The following IL12RB2 variants were observed in gnomAD, a reference collection of about 807,000 sequenced individuals.
IL12RB2 encodes the protein interleukin-12 receptor subunit beta-2.
Under a neutral mutation model 89.4 loss-of-function variants are expected in IL12RB2, and 82 were observed. The ratio of observed to expected loss-of-function variants is 0.92; its 90% CI spans 0.77 to 1.10. The LOEUF (loss-of-function observed/expected upper bound fraction) is 1.10, where lower values mean the gene tolerates loss of function less well. IL12RB2 is among the 50% of genes least tolerant of loss of function. The pLI is 0.00. For missense variants in IL12RB2, 963 were observed against 1,031.9 expected (o/e 0.93, Z 0.92); for synonymous variants, 368 against 370.1 (o/e 0.99, Z 0.07).
intron 15 of IL12RB2, among the ~76,000 whole-genome samples, chr1:67,387,196 CTGGG>C (rs1665293459): frequency 6.6e-6 from 1 of 151,422 alleles, no homozygotes; most frequent in Non-Finnish European, 1.5e-5. Context: ...TCCCAAAGTG[CTGGG>C]ATTACAGGTA....
At chr1:67,391,388 T>C (rs866169716) in intron 16 of IL12RB2, among the ~76,000 whole-genome samples, 8 of 144,434 alleles carry the variant, frequency 5.5e-5, no homozygotes, top group East Asian at 2.1e-4. Context: ...TGTGTGTCTA[T>C]ACACACACAC....
At position 67,368,195 on chromosome 1, in the gene IL12RB2, T is replaced by C. The variant is rs532464973; in HGVS notation, c.1459+170T>C. Among the ~76,000 whole-genome samples, 3 of 152,314 alleles carry C rather than the reference T, an allele frequency of 2.0e-5. No homozygotes were observed. The South Asian group carries it at 6.2e-4, about 32-fold the overall frequency. ...ACTTTAGACTACTCCACTGCAGACA[T>C]AAATGACCAACTGGTTGACTAAAAG... is the stretch of plus-strand genomic sequence containing the variant. On this transcript the variant is annotated intron_variant, in intron 11 of 16. Transcript: ENST00000674203.
upstream of IL12RB2, chr1:67,307,757 C>T (rs1654450738): frequency 6.6e-6 from 1 of 152,234 alleles, no homozygotes; most frequent in Admixed American, 6.5e-5. Context: ...ACCCCCGCCC[C>T]GGCCCGATCC....
intron 1 of IL12RB2, among the ~76,000 whole-genome samples, chr1:67,311,524 T>G (rs1655059762): frequency 6.6e-6 from 1 of 152,264 alleles, no homozygotes; most frequent in Non-Finnish European, 1.5e-5. Flanking sequence ...TTACTTTATG[T>G]ATTTGACCAA....
Position 67,372,723 on chromosome 1 carries a change from C to T in IL12RB2, c.1657C>T (p.Leu553Phe). 6.2e-7 allele frequency: 1 copy of T among 1,604,846 alleles called. No homozygotes were observed. Residue 553 changes from leucine (L) to phenylalanine (F), a missense_variant, in exon 13 of 17, where the codon CTC becomes TTC. By Grantham distance (22) the Leu-to-Phe change is conservative (BLOSUM62 0). Transcript: ENST00000674203. ...SIPVQEQMGC[L>F]LHYRIYWKER... ...TCCAGTCCAGGAGCAAATGGGCTGC[C>T]TCCTCCATTATAGGATATACTGGAA...
At chr1:67,391,038 G>A (rs987485801) in intron 16 of IL12RB2, among the ~76,000 whole-genome samples, 1 of 152,086 alleles carries the variant, frequency 6.6e-6, no homozygotes, top group African/African-American at 2.4e-5. Context: ...AGATTCTTTA[G>A]GCATTTAAGT....
chr1:67,356,136 T>A (rs912645674), intron 10 of IL12RB2, among the ~76,000 whole-genome samples: 1 of 152,152 alleles, frequency 6.6e-6, no homozygotes, highest in South Asian at 2.1e-4. Context: ...CAAGGAACCA[T>A]TGCTGGGAAT....
intron 6 of IL12RB2, 151 bp downstream of exon 6, chr1:67,328,535 A>AAAAGGG: frequency 2.2e-6 from 3 of 1,384,986 alleles, no homozygotes; most frequent in Non-Finnish European, 2.9e-6. Context: ...TGATGCAAGT[A>AAAAGGG]AAAGGGTGCA....
At position 67,329,730 on chromosome 1, in the gene IL12RB2, G is replaced by T; in HGVS notation, c.807+1G>T. On this transcript the variant is annotated splice_donor_variant, in intron 7 of 16. Transcript: ENST00000674203. LOFTEE classifies it high-confidence loss of function. ...CAGTAACAGCAGGCTCTGGAATATGGTAATTATCTTTAGAGTGAAGGAAAA... is the reference window on the plus strand; with the variant it reads ...CAGTAACAGCAGGCTCTGGAATATGTTAATTATCTTTAGAGTGAAGGAAAA... 6.2e-7 allele frequency: 1 copy of T among 1,602,184 alleles called. No homozygotes were observed. Among genetic ancestry groups the T allele is most frequent in the East Asian group, 2.2e-5 (1 of 44,814 alleles).
rs201985270 is a variant in IL12RB2 at position 67,361,844 on chromosome 1, C to CA, written c.1259-5973dup. On this transcript the variant is annotated intron_variant, in intron 10 of 16. Transcript: ENST00000674203. The stretch of plus-strand genomic sequence containing the variant: ...CAGGGTAAATGGCACCCTCCACCCA[C>CA]AAAAAAAACTGTACCTACATACATC... Among the ~76,000 whole-genome samples the CA allele has an allele frequency of 1.2e-3, 176 of 151,722 alleles. 1 individual carries two copies. Among genetic ancestry groups the CA allele is most frequent in the African/African-American group, 4.0e-3 (166 of 41,426 alleles).
chr1:67,369,763 G>C (rs1252917446), intron 11 of IL12RB2, among the ~76,000 whole-genome samples: 1 of 152,138 alleles, frequency 6.6e-6, no homozygotes, highest in Non-Finnish European at 1.5e-5. Flanking sequence ...TACTAGGCTG[G>C]GCGCGGTGGC....
chr1:67,380,982 T>C (rs928790853), intron 14 of IL12RB2, among the ~76,000 whole-genome samples: 3 of 152,234 alleles, frequency 2.0e-5, no homozygotes, highest in Admixed American at 2.0e-4. Flanking sequence ...GTTTAGGACT[T>C]CAACATACAA....
chr1:67,392,622 T>TA (rs1491456945), intron 16 of IL12RB2, among the ~76,000 whole-genome samples: 1 of 132,462 alleles, frequency 7.5e-6, no homozygotes, highest in African/African-American at 2.8e-5. Flanking sequence ...CTTTTAGATA[T>TA]CTTTTTTTTT....
intron 9 of IL12RB2, among the ~76,000 whole-genome samples, chr1:67,344,775 C>T (rs939094450): frequency 6.6e-6 from 1 of 152,234 alleles, no homozygotes; most frequent in African/African-American, 2.4e-5. Context: ...GACAGTAGCA[C>T]ATCTTGGCTC....
chr1:67,382,708 A>ATTTTT (rs10693344), intron 14 of IL12RB2, among the ~76,000 whole-genome samples: 111 of 134,864 alleles, frequency 8.2e-4, no homozygotes, highest in African/African-American at 1.0e-3. Context: ...CCAACTCTAC[A>ATTTTT]TTTTTTTTTT....
At position 67,390,061 on chromosome 1, in the gene IL12RB2, AGTG is replaced by A. The variant is rs1305658487; in HGVS notation, c.1983_1985del (p.Trp661del). 7.3e-7 allele frequency: 1 copy of A among 1,373,782 alleles called. No individual in the cohort carries two copies. The highest frequency in any genetic ancestry group is 1.0e-6 in the Non-Finnish European group (1 of 960,336). 85.1% of individuals were successfully genotyped at this position (1,373,782 alleles called of 1,614,324 possible). A position where few individuals can be genotyped will look rare whatever the true frequency, so the allele number is the denominator to read the frequency against. Reference sequence around the variant, plus strand: ...GTTCTCCTAGCAGCCCTCAGACCTCAGTGGTGTAGCAGAGAAATTCCAGATCCA... The same window carrying A: ...GTTCTCCTAGCAGCCCTCAGACCTCAGTGTAGCAGAGAAATTCCAGATCCA... On this transcript the variant is annotated inframe_deletion, in exon 16 of 17. Transcript: ENST00000674203.
chr1:67,385,446 G>A (rs1014969442), intron 14 of IL12RB2, among the ~76,000 whole-genome samples: 46 of 152,232 alleles, frequency 3.0e-4, no homozygotes, highest in Admixed American at 2.7e-3. Context: ...GGGGATTATG[G>A]GAATTACAAT....
At chr1:67,389,369 C>T (rs561827456) in intron 15 of IL12RB2, among the ~76,000 whole-genome samples, 4 of 151,772 alleles carry the variant, frequency 2.6e-5, no homozygotes, top group African/African-American at 9.7e-5. Flanking sequence ...CTTATGAAAG[C>T]CAAGTCTTTA....
chr1:67,357,077 C>G (rs920017200), intron 10 of IL12RB2, among the ~76,000 whole-genome samples: 2 of 152,106 alleles, frequency 1.3e-5, no homozygotes, highest in Non-Finnish European at 2.9e-5. Flanking sequence ...ATGTTTTAGG[C>G]CAAGCATGGT....
Sources: gnomAD v4.1 joint callset for allele counts (sites outside exome capture counted in the v4.1 genomes callset) on GRCh38, gnomAD v4.1.1 for gene constraint, MANE v1.5 for transcripts, NCBI Gene and HGNC (gene_info 2026-07-23, HGNC 2026-07-21) for gene names.